LIPI: variants seen among roughly 807,000 people sequenced by gnomAD.
LIPI encodes lipase I.
A neutral mutation model predicts 50.6 loss-of-function variants in LIPI; 59 were observed. The observed-to-expected ratio is 1.16, with a 90% CI of 0.94 to 1.45. The LOEUF is 1.45. Ranked by LOEUF, LIPI falls within the 40% of genes most tolerant of loss-of-function variation. The pLI, the probability that LIPI is intolerant of heterozygous loss-of-function variation, is 0.00. For missense variants in LIPI, 586 were observed against 536.3 expected (o/e 1.09, Z -0.92); for synonymous variants, 203 against 178.2 (o/e 1.14, Z -1.11).
chr21:14,114,544 C>CGGAGTGGCTT (rs1164551311), intron 9 of LIPI, among the ~76,000 whole-genome samples: 1 of 152,192 alleles, frequency 6.6e-6, no homozygotes, highest in Non-Finnish European at 1.5e-5. Context: ...AGGCAGGAAG[C>CGGAGTGGCTT]CACTCCAGCA....
At chr21:14,125,100 C>G (rs1229944623) in intron 9 of LIPI, among the ~76,000 whole-genome samples, 1 of 152,144 alleles carries the variant, frequency 6.6e-6, no homozygotes, top group Non-Finnish European at 1.5e-5. Context: ...AAATTCACTA[C>G]CAGCACTATA....
chr21:14,180,719 G>A (rs1484115681), intron 4 of LIPI, among the ~76,000 whole-genome samples: 2 of 152,188 alleles, frequency 1.3e-5, no homozygotes, highest in African/African-American at 2.4e-5. Flanking sequence ...TATAGAAGTA[G>A]GTGAACCTAG....
At chr21:14,139,043 T>C (rs2017609762) in intron 9 of LIPI, among the ~76,000 whole-genome samples, 1 of 152,088 alleles carries the variant, frequency 6.6e-6, no homozygotes, top group Non-Finnish European at 1.5e-5. Flanking sequence ...ACCAGGATAC[T>C]CTGGCTCCAA....
intron 4 of LIPI, among the ~76,000 whole-genome samples, chr21:14,180,868 T>C (rs1186851311): frequency 6.6e-6 from 1 of 152,152 alleles, no homozygotes; most frequent in African/African-American, 2.4e-5. Flanking sequence ...CACCACAAGA[T>C]AAATTCAGAG....
chr21:14,198,199 C>A (rs2019928322), intron 1 of LIPI, among the ~76,000 whole-genome samples: 1 of 151,994 alleles, frequency 6.6e-6, no homozygotes, highest in South Asian at 2.1e-4. Flanking sequence ...CACTATAAAG[C>A]AACCACATAA....
At chr21:14,199,672 A>T (rs1344767548) in intron 1 of LIPI, among the ~76,000 whole-genome samples, 1 of 151,846 alleles carries the variant, frequency 6.6e-6, no homozygotes, top group East Asian at 1.9e-4. Context: ...ACTAGATATA[A>T]AAGAAGAGCT....
intron 4 of LIPI, 76 bp downstream of exon 4, chr21:14,181,682 A>G: frequency 1.3e-6 from 1 of 794,570 alleles, no homozygotes; most frequent in Non-Finnish European, 2.2e-6. Context: ...TTTTCTTCTT[A>G]TGCCCTCCTC....
At chr21:14,174,055 T>G (rs1321516181) in intron 4 of LIPI, among the ~76,000 whole-genome samples, 1 of 152,200 alleles carries the variant, frequency 6.6e-6, no homozygotes, top group Non-Finnish European at 1.5e-5. Flanking sequence ...TCCTCATATA[T>G]GAACTCGACA....
At chr21:14,169,150 C>G (rs1421742023) in intron 4 of LIPI, among the ~76,000 whole-genome samples, 1 of 152,186 alleles carries the variant, frequency 6.6e-6, no homozygotes, top group African/African-American at 2.4e-5. Context: ...ATCAATTCAA[C>G]AAGAAGAGCT....
intron 1 of LIPI, among the ~76,000 whole-genome samples, chr21:14,200,237 G>A (rs928029505): frequency 6.6e-5 from 10 of 151,694 alleles, no homozygotes; most frequent in African/African-American, 2.2e-4. Context: ...ACATAGTATT[G>A]GTCCTGACCA....
At chr21:14,154,113 T>A (rs13051215) in intron 7 of LIPI, among the ~76,000 whole-genome samples, 8,334 of 152,058 alleles carry the variant, frequency 0.055, 310 homozygotes, top group Middle Eastern at 0.11. Context: ...AGGTTTTTTT[T>A]AATTAATTTT....
chr21:14,130,345 G>C (rs577756119), intron 9 of LIPI, among the ~76,000 whole-genome samples: 1 of 152,162 alleles, frequency 6.6e-6, no homozygotes, highest in Admixed American at 6.5e-5. Context: ...GTCTAAGAGA[G>C]AGAGAGAGAG....
intron 4 of LIPI, among the ~76,000 whole-genome samples, chr21:14,172,661 A>G (rs1310671517): frequency 1.3e-5 from 2 of 152,106 alleles, no homozygotes; most frequent in East Asian, 1.9e-4. Flanking sequence ...GTGGGAATTG[A>G]ACAATGAGAA....
At chr21:14,204,212 A>G (rs376135989) in intron 1 of LIPI, among the ~76,000 whole-genome samples, 4 of 152,144 alleles carry the variant, frequency 2.6e-5, no homozygotes, top group East Asian at 3.9e-4. Context: ...GATATAATCA[A>G]TTACTATTTT....
intron 3 of LIPI, among the ~76,000 whole-genome samples, chr21:14,183,716 C>A (rs2019353818): frequency 6.6e-6 from 1 of 152,128 alleles, no homozygotes; most frequent in African/African-American, 2.4e-5. Flanking sequence ...CCAAAAAACA[C>A]ATGAAAAAAT....
At chr21:14,200,391 A>C (rs2020011004) in intron 1 of LIPI, among the ~76,000 whole-genome samples, 1 of 152,134 alleles carries the variant, frequency 6.6e-6, no homozygotes, top group Non-Finnish European at 1.5e-5. Context: ...ATTGATAAAG[A>C]AGAACTTCAG....
At chr21:14,163,974 T>C (rs1391931197) in intron 6 of LIPI, among the ~76,000 whole-genome samples, 2 of 150,858 alleles carry the variant, frequency 1.3e-5, no homozygotes, top group Admixed American at 1.3e-4. Flanking sequence ...ACATTATATA[T>C]ATTATATATA....
chr21:14,185,916 A>G, intron 3 of LIPI, 45 bp downstream of exon 3: 1 of 1,113,028 alleles, frequency 9.0e-7, no homozygotes. Context: ...AACTTCTGAT[A>G]CTTAAAAGTA....
chr21:14,184,365 T>C (rs955256885), intron 3 of LIPI, among the ~76,000 whole-genome samples: 1 of 152,042 alleles, frequency 6.6e-6, no homozygotes, highest in Non-Finnish European at 1.5e-5. Context: ...TTAGGCGATA[T>C]ACCTAATGCT....
Sources: gnomAD v4.1 joint callset for allele counts (sites outside exome capture counted in the v4.1 genomes callset) on GRCh38, gnomAD v4.1.1 for gene constraint, MANE v1.5 for transcripts, NCBI Gene and HGNC (gene_info 2026-07-23, HGNC 2026-07-21) for gene names.